The following KYNU variants were observed in gnomAD, a reference collection of about 807,000 sequenced individuals.
KYNU encodes L-kynurenine hydrolase.
A neutral mutation model predicts 59.2 loss-of-function variants in KYNU; 54 were observed. The ratio of observed to expected loss-of-function variants is 0.91; its 90% CI spans 0.73 to 1.14. KYNU has a LOEUF of 1.14. KYNU is among the 50% of genes most tolerant of loss of function. KYNU has a pLI of 0.00. For synonymous variants in KYNU, 177 were observed against 192.0 expected (o/e 0.92, Z 0.65); for missense variants, 567 against 554.4 (o/e 1.02, Z -0.23).
At chr2:142,986,510 A>T (rs115524692) in intron 10 of KYNU, among the ~76,000 whole-genome samples, 2,185 of 152,010 alleles carry the variant, frequency 0.014, 23 homozygotes, top group Non-Finnish European at 0.024. Flanking sequence ...TAATCCATGA[A>T]ACCCGAAGAA....
intron 10 of KYNU, among the ~76,000 whole-genome samples, chr2:143,006,161 G>A (rs962812291): frequency 1.3e-5 from 2 of 152,078 alleles, no homozygotes; most frequent in Non-Finnish European, 2.9e-5. Flanking sequence ...CATCTCACTA[G>A]GGAGTGCCAG....
chr2:142,940,527 CACAT>C (rs1285412798), intron 4 of KYNU, among the ~76,000 whole-genome samples: 1 of 152,096 alleles, frequency 6.6e-6, no homozygotes, highest in African/African-American at 2.4e-5. Flanking sequence ...ACATGTATGA[CACAT>C]AAAGATCACT....
At chr2:142,963,901 A>G (rs999835869) in intron 8 of KYNU, among the ~76,000 whole-genome samples, 2 of 152,204 alleles carry the variant, frequency 1.3e-5, no homozygotes, top group African/African-American at 2.4e-5. Flanking sequence ...TACTGCTTGA[A>G]CACACCAAAT....
chr2:142,982,657 A>G (rs1362618089), intron 8 of KYNU, among the ~76,000 whole-genome samples: 1 of 152,114 alleles, frequency 6.6e-6, no homozygotes, highest in Non-Finnish European at 1.5e-5. Flanking sequence ...AGTAGAGTTA[A>G]TATTAAACTT....
At chr2:143,000,293 A>C (rs1176086952) in intron 10 of KYNU, among the ~76,000 whole-genome samples, 2 of 152,178 alleles carry the variant, frequency 1.3e-5, no homozygotes, top group South Asian at 4.1e-4. Flanking sequence ...TCGAGATATT[A>C]ATCTTTATGC....
chr2:143,028,819 G>C (rs1686654629), intron 10 of KYNU, among the ~76,000 whole-genome samples: 1 of 151,582 alleles, frequency 6.6e-6, no homozygotes, highest in South Asian at 2.1e-4. Context: ...TTGCACTCCA[G>C]CCTGGGCAAC....
At chr2:142,935,623 G>T (rs1415668006) in intron 4 of KYNU, among the ~76,000 whole-genome samples, 1 of 152,184 alleles carries the variant, frequency 6.6e-6, no homozygotes, top group Non-Finnish European at 1.5e-5. Context: ...TTCTGGAAAT[G>T]AACCGAGTCT....
At chr2:142,952,157 C>T (rs766206720) in intron 4 of KYNU, among the ~76,000 whole-genome samples, 7 of 152,010 alleles carry the variant, frequency 4.6e-5, no homozygotes, top group Non-Finnish European at 7.4e-5. Context: ...TCTCCTGACC[C>T]GCCACCTTCC....
intron 2 of KYNU, among the ~76,000 whole-genome samples, chr2:142,909,680 A>G (rs1573777483): frequency 6.6e-6 from 1 of 152,188 alleles, no homozygotes; most frequent in African/African-American, 2.4e-5. Flanking sequence ...TTTGTACCAC[A>G]TGTTCTTTAT....
At chr2:142,898,343 G>A (rs538839865) in intron 2 of KYNU, among the ~76,000 whole-genome samples, 177 of 151,432 alleles carry the variant, frequency 1.2e-3, no homozygotes, top group Non-Finnish European at 1.7e-3. Flanking sequence ...TGCTTCCACA[G>A]TAGCTATTGA....
At position 143,042,997 on chromosome 2, in the gene KYNU, G is replaced by A. The variant is rs1360182215; in HGVS notation, c.*825G>A. 9.9e-5 allele frequency: 15 copies of A among 151,774 alleles called. No individual in the cohort carries two copies. The East Asian group carries it at 2.7e-3, about 27-fold the overall frequency. 9.4% of individuals were successfully genotyped at this position (151,774 alleles called of 1,614,324 possible). ...ACAATTATTTGCCTGTGCTCTAATAGGTACTATTCTATTTTATCTCATAAG... is the reference window on the plus strand; with the variant it reads ...ACAATTATTTGCCTGTGCTCTAATAAGTACTATTCTATTTTATCTCATAAG... On this transcript the variant is annotated 3_prime_UTR_variant, in exon 14 of 14. Coordinates refer to ENST00000264170, the MANE Select transcript of KYNU (RefSeq NM_003937.3).
At chr2:142,898,630 AT>A (rs1486827237) in intron 2 of KYNU, among the ~76,000 whole-genome samples, 1 of 152,188 alleles carries the variant, frequency 6.6e-6, no homozygotes, top group African/African-American at 2.4e-5. Flanking sequence ...TATGGAAAGA[AT>A]TTTTAAATTT....
At chr2:142,933,857 T>C (rs1306985908) in intron 4 of KYNU, among the ~76,000 whole-genome samples, 1 of 152,136 alleles carries the variant, frequency 6.6e-6, no homozygotes, top group Non-Finnish European at 1.5e-5. Flanking sequence ...GGTGAGCTGA[T>C]GTGAAAGTTT....
intron 10 of KYNU, among the ~76,000 whole-genome samples, chr2:143,014,038 G>A (rs147034011): frequency 9.7e-4 from 148 of 152,294 alleles, no homozygotes; most frequent in South Asian, 2.3e-3. Context: ...AGTCTCTTGC[G>A]TCTTTAGAGG....
intron 8 of KYNU, among the ~76,000 whole-genome samples, chr2:142,972,821 G>T (rs1291626329): frequency 9.3e-4 from 139 of 148,888 alleles, no homozygotes; most frequent in African/African-American, 2.5e-3. Context: ...TATAGAGAGA[G>T]AGAGAGAGAG....
intron 4 of KYNU, 76 bp from the exon 5 acceptor site, chr2:142,954,733 GA>G (rs1255390400): frequency 6.6e-6 from 6 of 905,688 alleles, no homozygotes; most frequent in Non-Finnish European, 1.1e-5. Context: ...ATGATTGAGT[GA>G]AGTCTTCCTA....
chr2:142,920,791 G>C (rs961879556), intron 3 of KYNU, among the ~76,000 whole-genome samples: 1 of 152,154 alleles, frequency 6.6e-6, no homozygotes, highest in Admixed American at 6.5e-5. Flanking sequence ...CTTGTTTTAA[G>C]CTGTAGTGAC....
At chr2:143,005,140 C>T (rs1320552540) in intron 10 of KYNU, among the ~76,000 whole-genome samples, 1 of 152,118 alleles carries the variant, frequency 6.6e-6, no homozygotes, top group African/African-American at 2.4e-5. Flanking sequence ...AGGTATTTGA[C>T]AAGTGTAATA....
chr2:142,984,775 C>T (rs955581007), intron 8 of KYNU, among the ~76,000 whole-genome samples: 15 of 152,150 alleles, frequency 9.9e-5, no homozygotes, highest in African/African-American at 2.9e-4. Flanking sequence ...TAGTACAGTT[C>T]GGTACCGCTG....
Sources: allele counts gnomAD v4.1 joint callset (sites outside exome capture counted in the v4.1 genomes callset), GRCh38; gene constraint gnomAD v4.1.1; transcripts MANE v1.5; gene names NCBI Gene and HGNC (gene_info 2026-07-23, HGNC 2026-07-21).